QTMAN: variants seen among roughly 807,000 people sequenced by gnomAD.
The protein encoded by QTMAN is queuosine-tRNA mannosyltransferase, also known as tRNA-queuosine alpha-mannosyltransferase.
chr2:144,256,187 C>G, the QTMAN span, among the ~76,000 whole-genome samples: 3 of 152,136 alleles, frequency 2.0e-5, no homozygotes, highest in African/African-American at 7.2e-5. Context: ...AAATATAGTT[C>G]TCCAAGAGAA....
the QTMAN span, among the ~76,000 whole-genome samples, chr2:144,013,225 T>C: frequency 4.6e-5 from 7 of 152,324 alleles, no homozygotes; most frequent in East Asian, 1.9e-4. Context: ...TAAGTACCTA[T>C]TGAGTACCTA....
At chr2:144,231,888 G>A in the QTMAN span, among the ~76,000 whole-genome samples, 3 of 135,832 alleles carry the variant, frequency 2.2e-5, no homozygotes, top group African/African-American at 5.5e-5. Flanking sequence ...GTGTGTGTGT[G>A]TGTGTTATCT....
chr2:144,166,125 T>C, the QTMAN span, among the ~76,000 whole-genome samples: 30 of 152,204 alleles, frequency 2.0e-4, no homozygotes, highest in Admixed American at 1.5e-3. Flanking sequence ...TATTTCACAA[T>C]TGGAGCTTCA....
At chr2:144,184,699 C>T in the QTMAN span, among the ~76,000 whole-genome samples, 1 of 151,906 alleles carries the variant, frequency 6.6e-6, no homozygotes, top group East Asian at 1.9e-4. Flanking sequence ...TTTTATGTTT[C>T]CTTAGCACTT....
At chr2:144,290,463 A>C in the QTMAN span, among the ~76,000 whole-genome samples, 1 of 152,086 alleles carries the variant, frequency 6.6e-6, no homozygotes, top group Non-Finnish European at 1.5e-5. Context: ...CCTTATCCCC[A>C]TTGTCTATTT....
chr2:144,100,989 C>T, the QTMAN span, among the ~76,000 whole-genome samples: 1 of 151,180 alleles, frequency 6.6e-6, no homozygotes, highest in Non-Finnish European at 1.5e-5. Context: ...CCTGCCTCAG[C>T]CTCCCCAGTA....
At chr2:144,192,555 C>G in the QTMAN span, among the ~76,000 whole-genome samples, 406 of 152,180 alleles carry the variant, frequency 2.7e-3, 1 homozygote, top group Non-Finnish European at 5.0e-3. Flanking sequence ...TACCTTCAGT[C>G]TCAAGTAGCA....
the QTMAN span, among the ~76,000 whole-genome samples, chr2:144,266,669 G>T: frequency 6.6e-6 from 1 of 152,110 alleles, no homozygotes; most frequent in African/African-American, 2.4e-5. Context: ...CTTGCTTTGG[G>T]CACAGGTATA....
chr2:144,307,168 A>T, the QTMAN span, among the ~76,000 whole-genome samples: 1 of 149,734 alleles, frequency 6.7e-6, no homozygotes, highest in African/African-American at 2.4e-5. Context: ...TTAAAAAAAA[A>T]AAAAAAAAAA....
the QTMAN span, among the ~76,000 whole-genome samples, chr2:144,083,264 G>T: frequency 1.3e-5 from 2 of 152,112 alleles, no homozygotes; most frequent in African/African-American, 4.8e-5. Flanking sequence ...ACCTTCTTTG[G>T]GATCTTAAGC....
At chr2:144,062,657 G>A in the QTMAN span, among the ~76,000 whole-genome samples, 267 of 152,128 alleles carry the variant, frequency 1.8e-3, no homozygotes, top group African/African-American at 6.1e-3. Flanking sequence ...AAACTACTAT[G>A]GTATCATTCT....
the QTMAN span, among the ~76,000 whole-genome samples, chr2:144,285,417 T>C: frequency 4.9e-4 from 75 of 152,242 alleles, 1 homozygote; most frequent in African/African-American, 1.7e-3. Flanking sequence ...CCTTTAAATG[T>C]ATCTCTGTTT....
chr2:144,201,032 G>C, the QTMAN span, among the ~76,000 whole-genome samples: 1 of 152,120 alleles, frequency 6.6e-6, no homozygotes, highest in Admixed American at 6.5e-5. Flanking sequence ...CTAGGTATTA[G>C]GGATAAAACG....
chr2:144,315,101 G>C, the QTMAN span, among the ~76,000 whole-genome samples: 1 of 152,150 alleles, frequency 6.6e-6, no homozygotes, highest in East Asian at 1.9e-4. Context: ...GGCCAGGCTG[G>C]TCTCAAACTC....
the QTMAN span, among the ~76,000 whole-genome samples, chr2:144,033,213 A>G: frequency 1.6e-4 from 24 of 152,338 alleles, 1 homozygote; most frequent in South Asian, 4.6e-3. Context: ...GAGACTATGT[A>G]CTGCAGTTAA....
chr2:144,030,749 A>G, the QTMAN span, among the ~76,000 whole-genome samples: 22 of 152,326 alleles, frequency 1.4e-4, no homozygotes, highest in East Asian at 3.9e-3. Context: ...AGGGAGAAAG[A>G]TATGCAATTG....
the QTMAN span, among the ~76,000 whole-genome samples, chr2:143,948,360 C>CA: frequency 6.6e-6 from 1 of 151,922 alleles, no homozygotes; most frequent in East Asian, 1.9e-4. Flanking sequence ...AAGAGGAAAA[C>CA]AAAAAAATCA....
chr2:144,004,363 G>A, the QTMAN span, among the ~76,000 whole-genome samples: 2 of 151,926 alleles, frequency 1.3e-5, no homozygotes, highest in Non-Finnish European at 2.9e-5. Flanking sequence ...ATACGATCAG[G>A]GGTCTAAATA....
the QTMAN span, among the ~76,000 whole-genome samples, chr2:144,306,632 G>C: frequency 6.6e-6 from 1 of 151,488 alleles, no homozygotes; most frequent in Non-Finnish European, 1.5e-5. Flanking sequence ...AATTTTGAGG[G>C]AACACACACA....
Sources: gnomAD v4.1 joint callset for allele counts (sites outside exome capture counted in the v4.1 genomes callset) on GRCh38, gnomAD v4.1.1 for gene constraint, MANE v1.5 for transcripts, NCBI Gene and HGNC (gene_info 2026-07-23, HGNC 2026-07-21) for gene names.